The following GLMN variants were observed in gnomAD, a reference collection of about 807,000 sequenced individuals.
GLMN encodes the protein glomulin, FKBP associated protein.
A neutral mutation model predicts 87.8 loss-of-function variants in GLMN; 75 were observed. The ratio of observed to expected loss-of-function variants is 0.85; its 90% CI spans 0.71 to 1.04. The LOEUF (loss-of-function observed/expected upper bound fraction) is 1.04. Among genes scored for constraint, GLMN ranks in the 50% least tolerant of loss-of-function variants. The probability of loss-of-function intolerance (pLI) is 0.00; values close to 1 mark genes in which losing one functional copy is unlikely to be tolerated. For synonymous variants in GLMN, 206 were observed against 221.6 expected (o/e 0.93, Z 0.63); for missense variants, 588 against 658.8 (o/e 0.89, Z 1.18).
At position 92,262,916 on chromosome 1, in the gene GLMN, A is replaced by C. The variant is rs1259668767; in HGVS notation, c.1420T>G (p.Ser474Ala). 1.8e-6 allele frequency: 2 copies of C among 1,112,416 alleles called. No individual in the cohort carries two copies. The highest frequency in any genetic ancestry group is 2.7e-6 in the Non-Finnish European group (2 of 727,506). 68.9% of individuals were successfully genotyped at this position (1,112,416 alleles called of 1,614,324 possible). A position where few individuals can be genotyped will look rare whatever the true frequency, so the allele number is the denominator to read the frequency against. The change falls in exon 16 of 19, where the codon TCA becomes GCA. Residue 474 changes from serine (S) to alanine (A), a missense_variant. Physicochemically the swap from Ser to Ala is moderately conservative, Grantham distance 99. Coordinates refer to ENST00000370360, the MANE Select transcript of GLMN (RefSeq NM_053274.3). The part of the protein sequence containing the change: ...LLQNSDRIMA[S>A]LNLLRYLVIK... Reference sequence around the variant, plus strand: ...ACCAAATACCTCAATAAATTTAATGAAGCCATAATCCTGTTAATTAAAAAT... The same window carrying C: ...ACCAAATACCTCAATAAATTTAATGCAGCCATAATCCTGTTAATTAAAAAT...
chr1:92,334,226 A>G, the GLMN span, among the ~76,000 whole-genome samples: 1 of 152,252 alleles, frequency 6.6e-6, no homozygotes, highest in African/African-American at 2.4e-5. Context: ...GGCATAAAGA[A>G]GAGTGAAGAC....
At chr1:92,249,894 T>C (rs1249569465) in intron 16 of GLMN, among the ~76,000 whole-genome samples, 1 of 152,200 alleles carries the variant, frequency 6.6e-6, no homozygotes, top group African/African-American at 2.4e-5. Context: ...GCCTGGCATA[T>C]TTCAATGTAA....
In GLMN at chr1:92,288,899, T is replaced by C. The variant is rs1649083501; in HGVS notation, c.632+15A>G. The C allele has an allele frequency of 1.6e-6, 2 of 1,285,208 alleles. No homozygotes were observed. Among genetic ancestry groups the C allele is most frequent in the East Asian group, 2.3e-5 (1 of 43,362 alleles). 79.6% of individuals were successfully genotyped at this position (1,285,208 alleles called of 1,614,324 possible). ...ACTTAAGTCCACTGTGAGATGTTCT[T>C]AAAATTATACTTACAATTTCAGTAA... On this transcript the variant is annotated intron_variant, in intron 6 of 18. Transcript: ENST00000370360.
In GLMN at chr1:92,291,437, A is replaced by G. The variant is rs773048611; in HGVS notation, c.266T>C (p.Ile89Thr). 9 of 1,586,550 alleles carry G rather than the reference A, an allele frequency of 5.7e-6. No homozygotes were observed. Among genetic ancestry groups the G allele is most frequent in the Non-Finnish European group, 8.7e-7 (1 of 1,155,028 alleles). ...ACTTACCTTTACCAATAAATCAAAG[A>G]TCAAAAAATAAACTTTTCTTTTACT... ...EDSKRKVYFL[I>T]FDLLVKLCNP... The change falls in exon 4 of 19, where the codon ATC becomes ACC. Residue 89 changes from isoleucine (I) to threonine (T), a missense_variant. Coordinates refer to ENST00000370360, the MANE Select transcript of GLMN (RefSeq NM_053274.3).
intron 3 of GLMN, among the ~76,000 whole-genome samples, 178 bp from the exon 4 acceptor site, chr1:92,291,715 T>C (rs544169573): frequency 6.6e-6 from 1 of 152,242 alleles, no homozygotes. Context: ...TCAACATTTT[T>C]AAATAGTTTT....
chr1:92,276,981 G>A (rs562085650), intron 7 of GLMN, among the ~76,000 whole-genome samples: 1 of 152,096 alleles, frequency 6.6e-6, no homozygotes, highest in African/African-American at 2.4e-5. Flanking sequence ...TTCTTGCTCT[G>A]TATTCTCTAT....
At position 92,289,160 on chromosome 1, in the gene GLMN, G is replaced by C; in HGVS notation, c.395-9C>G. 1 of 1,476,544 alleles carries C rather than the reference G, an allele frequency of 6.8e-7. No individual in the cohort carries two copies. The highest frequency in any genetic ancestry group is 9.5e-7 in the Non-Finnish European group (1 of 1,054,590). The allele number at this position is 1,476,544 out of a possible 1,614,324, so 91.5% of individuals were successfully genotyped here. ...ATGAAGTTTCTGAATCACTAAAACA[G>C]AGATCAAGTTGTCGCTCATCAAGTA... On this transcript the variant is annotated splice_polypyrimidine_tract_variant and intron_variant, in intron 5 of 18. Transcript: ENST00000370360.
At chr1:92,318,658 T>C in the GLMN span, among the ~76,000 whole-genome samples, 385 of 152,324 alleles carry the variant, frequency 2.5e-3, 3 homozygotes, top group South Asian at 9.3e-3. Flanking sequence ...CTCTGCCTCA[T>C]TGCTGATAAA....
At chr1:92,357,122 A>C in the GLMN span, among the ~76,000 whole-genome samples, 2 of 139,506 alleles carry the variant, frequency 1.4e-5, no homozygotes, top group South Asian at 2.4e-4. Context: ...CACACACACA[A>C]ACAGATGTTT....
chr1:92,252,777 GTAAAT>G (rs941709875), intron 16 of GLMN, among the ~76,000 whole-genome samples: 30 of 152,242 alleles, frequency 2.0e-4, no homozygotes, highest in African/African-American at 5.3e-4. Context: ...TCTAGAAAAA[GTAAAT>G]TAAGAGTTTT....
At chr1:92,348,525 C>T in the GLMN span, among the ~76,000 whole-genome samples, 42 of 152,348 alleles carry the variant, frequency 2.8e-4, 1 homozygote, top group South Asian at 8.5e-3. Flanking sequence ...TCTTCACTAG[C>T]TGAATCTCCC....
intron 16 of GLMN, among the ~76,000 whole-genome samples, chr1:92,251,735 T>C (rs1013487617): frequency 6.6e-6 from 1 of 152,152 alleles, no homozygotes; most frequent in Non-Finnish European, 1.5e-5. Flanking sequence ...AAAATTTTTT[T>C]CTTTCATCCT....
At chr1:92,254,713 G>A (rs1267318102) in intron 16 of GLMN, among the ~76,000 whole-genome samples, 1 of 152,174 alleles carries the variant, frequency 6.6e-6, no homozygotes, top group African/African-American at 2.4e-5. Flanking sequence ...GAAATGCTGA[G>A]AGATTTTTGT....
At chr1:92,291,818 CAA>C (rs946373526) in intron 3 of GLMN, among the ~76,000 whole-genome samples, 1 of 152,152 alleles carries the variant, frequency 6.6e-6, no homozygotes, top group East Asian at 1.9e-4. Flanking sequence ...CTATTTCCAA[CAA>C]AAGAGTTAAT....
At chr1:92,346,824 T>G in the GLMN span, among the ~76,000 whole-genome samples, 1 of 152,216 alleles carries the variant, frequency 6.6e-6, no homozygotes, top group Non-Finnish European at 1.5e-5. Context: ...GTTTTTCAGC[T>G]TGAATTGTAA....
the GLMN span, among the ~76,000 whole-genome samples, chr1:92,322,964 A>G: frequency 1.6e-4 from 23 of 147,368 alleles, no homozygotes; most frequent in Non-Finnish European, 3.0e-5. Flanking sequence ...TATACATTAT[A>G]TATGTACAAG....
chr1:92,323,380 C>A, the GLMN span: 1 of 1,202,424 alleles, frequency 8.3e-7, no homozygotes. Flanking sequence ...CTTTACTTTT[C>A]TATTGTTTTC....
the GLMN span, among the ~76,000 whole-genome samples, chr1:92,347,921 T>C: frequency 2.1e-3 from 323 of 152,308 alleles, no homozygotes; most frequent in African/African-American, 7.3e-3. Flanking sequence ...TCTTTTTTTT[T>C]TTCTTTGAGA....
At chr1:92,276,074 A>G (rs908315635) in intron 7 of GLMN, among the ~76,000 whole-genome samples, 36 of 151,872 alleles carry the variant, frequency 2.4e-4, no homozygotes, top group African/African-American at 8.7e-4. Flanking sequence ...AAAAATTTTA[A>G]ATTAGCCAGG....
Sources: allele counts gnomAD v4.1 joint callset (sites outside exome capture counted in the v4.1 genomes callset), GRCh38; gene constraint gnomAD v4.1.1; transcripts MANE v1.5; gene names NCBI Gene and HGNC (gene_info 2026-07-23, HGNC 2026-07-21).